The following CAPG variants were observed in gnomAD, a reference collection of about 807,000 sequenced individuals.
CAPG encodes the protein capping actin protein, gelsolin like.
In CAPG, 32 loss-of-function variants were observed where a neutral mutation model predicts 44.6. The ratio of observed to expected loss-of-function variants is 0.72; its 90% confidence interval spans 0.54 to 0.96. The LOEUF (loss-of-function observed/expected upper bound fraction) is 0.96. Among genes scored for constraint, CAPG ranks in the 50% least tolerant of loss-of-function variants. The probability of loss-of-function intolerance (pLI) is 0.00; values close to 1 mark genes in which losing one functional copy is unlikely to be tolerated. For missense variants in CAPG, 412 were observed against 438.3 expected (o/e 0.94, Z 0.54); for synonymous variants, 175 against 179.6 (o/e 0.97, Z 0.20).
chr2:85,417,574 C>T (rs1426861186), intron 1 of CAPG, among the ~76,000 whole-genome samples: 2 of 151,044 alleles, frequency 1.3e-5, no homozygotes, highest in Non-Finnish European at 1.5e-5. Context: ...ACTCCGCCTC[C>T]TGAGTTCAAG....
intron 7 of CAPG, 100 bp downstream of exon 7, chr2:85,398,590 C>T (rs939722510): frequency 3.1e-6 from 3 of 957,354 alleles, no homozygotes; most frequent in South Asian, 2.9e-5. Context: ...GCCCCACCTT[C>T]CCCCTGCCTT....
chr2:85,398,163 G>A lies in CAPG; in HGVS notation c.760-11C>T, dbSNP rs1295177125. On this transcript the variant is annotated splice_polypyrimidine_tract_variant and intron_variant, in intron 7 of 9. Transcript: ENST00000263867. Reference sequence around the variant, plus strand: ...AGTGGCATCAGAGACCTGGGGAGGAGGGACAGTGCCTGATCTCACCCCCCA... The same window carrying A: ...AGTGGCATCAGAGACCTGGGGAGGAAGGACAGTGCCTGATCTCACCCCCCA... 2 of 1,612,074 alleles carry A rather than the reference G, an allele frequency of 1.2e-6. No homozygotes were observed. Among genetic ancestry groups the A allele is most frequent in the Non-Finnish European group, 1.7e-6 (2 of 1,179,380 alleles).
upstream of CAPG, chr2:85,412,996 C>A (rs1687461597): frequency 6.6e-6 from 1 of 152,252 alleles, no homozygotes; most frequent in African/African-American, 2.4e-5. Flanking sequence ...GCCATCAGCA[C>A]CTGAGGTAGA....
At chr2:85,407,712 C>CAAAA (rs60228110) in intron 1 of CAPG, among the ~76,000 whole-genome samples, 6 of 91,174 alleles carry the variant, frequency 6.6e-5, no homozygotes, top group Admixed American at 1.3e-4. Flanking sequence ...GACTCTGTCT[C>CAAAA]AAAAAAAAAA....
chr2:85,407,613 T>C (rs1395477280), intron 1 of CAPG, among the ~76,000 whole-genome samples: 1 of 148,954 alleles, frequency 6.7e-6, no homozygotes, highest in Non-Finnish European at 1.5e-5. Flanking sequence ...CTTGGGAGGC[T>C]GCAGCACAAG....
chr2:85,401,215 T>C lies in CAPG; in HGVS notation c.466A>G (p.Asn156Asp). The change falls in exon 5 of 10, where the codon AAC becomes GAC. Residue 156 changes from asparagine (N) to aspartate (D), a missense_variant. Transcript: ENST00000263867. Reference protein sequence around the residue: ...KNIRATERALNWDSFNTGDCF... With the variant: ...KNIRATERALDWDSFNTGDCF... ...TCCCCAGTGTTGAAGCTGTCCCAGT[T>C]CAGTGCCCGCTCGGTGGCACGGATG... is the stretch of plus-strand genomic sequence containing the variant. 1 of 1,614,174 alleles carries C rather than the reference T, an allele frequency of 6.2e-7. No homozygotes were observed. Among genetic ancestry groups the C allele is most frequent in the Non-Finnish European group, 8.5e-7 (1 of 1,180,032 alleles).
At chr2:85,404,843 T>G (rs1687072214) in intron 1 of CAPG, among the ~76,000 whole-genome samples, 1 of 149,560 alleles carries the variant, frequency 6.7e-6, no homozygotes, top group South Asian at 2.1e-4. Flanking sequence ...GGCTGAGGAG[T>G]GAGTATCGCT....
At chr2:85,394,673 G>C (rs1558727573), downstream of CAPG, 1 of 605,620 alleles carries the variant, frequency 1.7e-6, no homozygotes. Context: ...ATTGTCATCT[G>C]TGTGCTACTC....
intron 1 of CAPG, among the ~76,000 whole-genome samples, chr2:85,417,887 TCA>T (rs1263153327): frequency 1.3e-5 from 2 of 152,126 alleles, no homozygotes; most frequent in Non-Finnish European, 2.9e-5. Context: ...AACCTGGACT[TCA>T]CAGTTTACAA....
At position 85,398,796 on chromosome 2, in the gene CAPG, G is replaced by A. The variant is rs765098760; in HGVS notation, c.667-14C>T. 1 of 1,582,068 alleles carries A rather than the reference G, an allele frequency of 6.3e-7. No individual in the cohort carries two copies. The highest frequency in any genetic ancestry group is 8.6e-7 in the Non-Finnish European group (1 of 1,161,250). ...GGGGCCCAGGACCTGCAGGGGCCAGGGCAGGCCAGGTTTATAGGGACCCCT... is the reference window on the plus strand; with the variant it reads ...GGGGCCCAGGACCTGCAGGGGCCAGAGCAGGCCAGGTTTATAGGGACCCCT... On this transcript the variant is annotated splice_polypyrimidine_tract_variant and intron_variant, in intron 6 of 9. Transcript: ENST00000263867.
intron 1 of CAPG, among the ~76,000 whole-genome samples, chr2:85,406,521 G>A (rs542343328): frequency 8.5e-5 from 13 of 152,164 alleles, no homozygotes; most frequent in Non-Finnish European, 1.6e-4. Flanking sequence ...CCCTGCCCCC[G>A]CCGCCCCAGT....
upstream of CAPG, among the ~76,000 whole-genome samples, chr2:85,411,391 C>T (rs565850179): frequency 6.6e-6 from 1 of 152,222 alleles, no homozygotes; most frequent in South Asian, 2.1e-4. Flanking sequence ...TCCTCCAACT[C>T]GCTGGCTTTC....
Position 85,398,388 on chromosome 2 carries a change from G to A in CAPG, c.760-236C>T, listed in dbSNP as rs898235543. ...GGGCCCCGAACCCATTTGGAAATTA[G>A]GTGGATTCCAAATTACAAAGAAATG... On this transcript the variant is annotated intron_variant, in intron 7 of 9. Coordinates refer to ENST00000263867, the MANE Select transcript of CAPG (RefSeq NM_001747.4). 5.1e-6 allele frequency: 3 copies of A among 588,346 alleles called. No homozygotes were observed. The African/African-American group carries it at 5.6e-5, about 11-fold the overall frequency. The allele number at this position is 588,346 out of a possible 1,614,324, so 36.4% of individuals were successfully genotyped here. A position where few individuals can be genotyped will look rare whatever the true frequency, so the allele number is the denominator to read the frequency against.
intron 5 of CAPG, among the ~76,000 whole-genome samples, chr2:85,400,602 T>A (rs892588876): frequency 6.6e-6 from 1 of 152,132 alleles, no homozygotes; most frequent in Admixed American, 6.5e-5. Flanking sequence ...CCCACCTTGG[T>A]GGCTCAGCTC....
chr2:85,396,004 T>G (rs1017602608), intron 8 of CAPG: 2 of 201,190 alleles, frequency 9.9e-6, no homozygotes, highest in Admixed American at 1.1e-4. Flanking sequence ...AAGCCTTTTC[T>G]GAAAAACTAA....
chr2:85,397,393 C>G (rs1686647135), intron 8 of CAPG, among the ~76,000 whole-genome samples: 1 of 152,128 alleles, frequency 6.6e-6, no homozygotes, highest in African/African-American at 2.4e-5. Context: ...GAGCCATTGT[C>G]TAGAATTTAG....
chr2:85,417,033 C>T (rs1460234515), intron 1 of CAPG, among the ~76,000 whole-genome samples: 1 of 152,144 alleles, frequency 6.6e-6, no homozygotes, highest in Admixed American at 6.5e-5. Context: ...TGCTGGAATT[C>T]CTTGTGACTT....
At chr2:85,413,879 G>GGA (rs1687490895), upstream of CAPG, 1 of 152,270 alleles carries the variant, frequency 6.6e-6, no homozygotes, top group Non-Finnish European at 1.5e-5. Flanking sequence ...CCCGGCTGTG[G>GGA]GAGAAGAGGA....
In CAPG at chr2:85,415,659, A is replaced by C. The variant is rs566195548; in HGVS notation, c.-14+2608T>G. 5.3e-5 allele frequency among the ~76,000 whole-genome samples: 8 copies of C among 152,178 alleles called. No individual in the cohort carries two copies. In the East Asian group the frequency reaches 1.5e-3, roughly 29 times the overall value. On this transcript the variant is annotated intron_variant, in intron 1 of 5. Coordinates refer to the CAPG transcript ENST00000409275. ...CAGCAGGTAATAGGCACTCAAAAAA[A>C]TTTTTACTGAATGCATTAACAGATT...
Sources: allele counts gnomAD v4.1 joint callset (sites outside exome capture counted in the v4.1 genomes callset), GRCh38; gene constraint gnomAD v4.1.1; transcripts MANE v1.5; gene names NCBI Gene and HGNC (gene_info 2026-07-23, HGNC 2026-07-21).